Variants in RBCK1 observed in about 807,000 individuals in gnomAD.
The protein encoded by RBCK1 is RANBP2-type and C3HC4-type zinc finger containing 1, also known as ranBP-type and C3HC4-type zinc finger-containing protein 1.
RBCK1 carries 44 observed loss-of-function variants against 71.1 expected under a neutral mutation model. The observed-to-expected ratio is 0.62, with a 90% confidence interval of 0.49 to 0.80. The LOEUF (loss-of-function observed/expected upper bound fraction) is 0.80. Among genes scored for constraint, RBCK1 ranks in the 30% least tolerant of loss-of-function variants. RBCK1 has a pLI of 0.00. For synonymous variants in RBCK1, 306 were observed against 279.7 expected (o/e 1.09, Z -0.94); for missense variants, 569 against 685.0 (o/e 0.83, Z 1.89).
In RBCK1 at chr20:414,907, CTT is replaced by C. The variant is rs200754266; in HGVS notation, c.168-2616_168-2615del. 4.7e-3 allele frequency among the ~76,000 whole-genome samples: 723 copies of C among 152,228 alleles called. 4 individuals carry two copies. The highest frequency in any genetic ancestry group is 7.0e-3 in the Admixed American group (107 of 15,276). On this transcript the variant is annotated intron_variant, in intron 2 of 11. Coordinates refer to ENST00000356286, the MANE Select transcript of RBCK1 (RefSeq NM_031229.4). Reference sequence around the variant, plus strand: ...CTTTTCACGTGGAAAATGTGGTAAACTTTTAGAGTCTTTGCATGTTTAAAAAT... The same window carrying C: ...CTTTTCACGTGGAAAATGTGGTAAACTTAGAGTCTTTGCATGTTTAAAAAT...
Position 428,645 on chromosome 20 carries a change from G to A in RBCK1, c.1308+56G>A. ...ATTTTAAGTTCTGGGATCCAGGTGG[G>A]GGCTGGGGGCTTCCCAGTAAGGGCT... On this transcript the variant is annotated intron_variant, in intron 10 of 11. Transcript: ENST00000356286. This position sits in a 1 kb window ranked among gnomAD's most constrained non-coding sequence, Gnocchi z 5.7. 6.6e-7 allele frequency: 1 copy of A among 1,513,922 alleles called. No homozygotes were observed. 93.8% of individuals were successfully genotyped at this position (1,513,922 alleles called of 1,614,324 possible).
intron 4 of RBCK1, among the ~76,000 whole-genome samples, chr20:418,558 C>G (rs147165414): frequency 1.3e-5 from 2 of 151,990 alleles, no homozygotes; most frequent in Non-Finnish European, 2.9e-5. Flanking sequence ...TTAGTAGAGA[C>G]GGGGTTTCAC....
chr20:427,476 AC>A lies in RBCK1; in HGVS notation c.1194del (p.Cys399AlafsTer11), dbSNP rs2016793232. 2 of 1,613,412 alleles carry A rather than the reference AC, an allele frequency of 1.2e-6. No individual in the cohort carries two copies. Among genetic ancestry groups the A allele is most frequent in the African/African-American group, 2.7e-5 (2 of 74,904 alleles). On this transcript the variant is annotated frameshift_variant, in exon 9 of 12. Transcript: ENST00000356286. LOFTEE classifies it high-confidence loss of function. ...ACCTGCCCTGTGTGTTTCCACGTCAACTGCCTGCTCTGCAAGGTGGGGCCTG... is the reference window on the plus strand; with the variant it reads ...ACCTGCCCTGTGTGTTTCCACGTCAATGCCTGCTCTGCAAGGTGGGGCCTG... The part of the protein sequence containing the change: ...EFTCPVCFHV[N>X]CLLCKAIHEQ...
In RBCK1 at chr20:431,151, A is replaced by AG. The variant is rs1491584042; in HGVS notation, c.*725dup. ...AGATGTGGACCCCATGCCCAGCCTC[A>AG]GGGGCAAGGATGCTCTTGGGTCACC... On this transcript the variant is annotated 3_prime_UTR_variant, in exon 12 of 12. Coordinates refer to ENST00000356286, the MANE Select transcript of RBCK1 (RefSeq NM_031229.4). The surrounding 1 kb of genome is among the most constrained non-coding windows in gnomAD (Gnocchi z 4.8). Among the ~76,000 whole-genome samples, 1 of 152,158 alleles carries AG rather than the reference A, an allele frequency of 6.6e-6. No homozygotes were observed. The highest frequency in any genetic ancestry group is 1.5e-5 in the Non-Finnish European group (1 of 68,040).
At chr20:410,073 T>C in intron 2 of RBCK1, 48 bp downstream of exon 2, 1 of 1,580,072 alleles carries the variant, frequency 6.3e-7, no homozygotes, top group East Asian at 2.3e-5. Flanking sequence ...CAGGACAGGA[T>C]ATTCTTGCCT....
intron 2 of RBCK1, among the ~76,000 whole-genome samples, chr20:415,670 A>G (rs543275589): frequency 1.3e-5 from 2 of 151,966 alleles, no homozygotes; most frequent in African/African-American, 4.8e-5. Context: ...TTACCTCTTC[A>G]TGGTATGTAT....
At position 417,245 on chromosome 20, in the gene RBCK1, G is replaced by A. The variant is rs569027636; in HGVS notation, c.168-281G>A. On this transcript the variant is annotated intron_variant, in intron 2 of 11. Transcript: ENST00000356286. This position sits in a 1 kb window ranked among gnomAD's most constrained non-coding sequence, Gnocchi z 4.7. Reference sequence around the variant, plus strand: ...GAGCAGGGGAGAGAAGACAGAAGAGGTTGGAGAGGTCAGGGAGGTGCCAGA... The same window carrying A: ...GAGCAGGGGAGAGAAGACAGAAGAGATTGGAGAGGTCAGGGAGGTGCCAGA... 3 of 640,578 alleles carry A rather than the reference G, an allele frequency of 4.7e-6. No individual in the cohort carries two copies. The highest frequency in any genetic ancestry group is 6.8e-5 in the East Asian group (2 of 29,616). 39.7% of individuals were successfully genotyped at this position (640,578 alleles called of 1,614,324 possible).
Position 427,617 on chromosome 20 carries a change from A to G in RBCK1, c.1209+125A>G. ...GGCCTGCTGGTCATGACTTAGAGCT[A>G]CATGTCAGTGGGAGAGTGTGGCTTG... On this transcript the variant is annotated intron_variant, in intron 9 of 11. Coordinates refer to ENST00000356286, the MANE Select transcript of RBCK1 (RefSeq NM_031229.4). 5.8e-6 allele frequency: 6 copies of G among 1,037,800 alleles called. No homozygotes were observed. The South Asian group carries it at 9.1e-5, about 16-fold the overall frequency. The allele number at this position is 1,037,800 out of a possible 1,614,324, so 64.3% of individuals were successfully genotyped here.
intron 6 of RBCK1, 180 bp downstream of exon 6, chr20:419,911 C>G: frequency 7.0e-7 from 1 of 1,419,838 alleles, no homozygotes; most frequent in Admixed American, 3.0e-5. Flanking sequence ...CCTGCCCTCT[C>G]TCAAAGGTCA....
chr20:418,574 T>C lies in RBCK1; in HGVS notation c.460+644T>C, dbSNP rs984770893. On this transcript the variant is annotated intron_variant, in intron 4 of 11. Transcript: ENST00000356286. ...TAGTAGAGACGGGGTTTCACCGTGTTAGCCAGGATGGTCTCGATCTCCTGA... is the reference window on the plus strand; with the variant it reads ...TAGTAGAGACGGGGTTTCACCGTGTCAGCCAGGATGGTCTCGATCTCCTGA... 5.3e-5 allele frequency among the ~76,000 whole-genome samples: 8 copies of C among 152,260 alleles called. 1 individual carries two copies. The highest frequency in any genetic ancestry group is 4.1e-4 in the South Asian group (2 of 4,822).
chr20:414,201 T>G (rs2015868235), intron 2 of RBCK1, among the ~76,000 whole-genome samples: 1 of 151,978 alleles, frequency 6.6e-6, no homozygotes, highest in Non-Finnish European at 1.5e-5. Context: ...TGGCTTGAAC[T>G]CGAGTTTAAG....
At chr20:419,927 T>A in intron 6 of RBCK1, 196 bp downstream of exon 6, 6 of 1,423,302 alleles carry the variant, frequency 4.2e-6, no homozygotes, top group Non-Finnish European at 5.5e-6. Context: ...GGTCACCCTG[T>A]GGCTGAGACC....
At chr20:415,533 A>G (rs1293150153) in intron 2 of RBCK1, among the ~76,000 whole-genome samples, 2 of 152,170 alleles carry the variant, frequency 1.3e-5, no homozygotes, top group African/African-American at 4.8e-5. Context: ...AACAAGATCT[A>G]CATGTAGCAT....
chr20:418,441 T>C (rs1458667672), intron 4 of RBCK1, among the ~76,000 whole-genome samples: 1 of 152,052 alleles, frequency 6.6e-6, no homozygotes, highest in Non-Finnish European at 1.5e-5. Context: ...CAATCTCGGC[T>C]CACTGCAAGC....
intron 2 of RBCK1, among the ~76,000 whole-genome samples, chr20:414,671 G>A (rs1291715785): frequency 6.6e-6 from 1 of 152,140 alleles, no homozygotes; most frequent in Non-Finnish European, 1.5e-5. Flanking sequence ...GATTCTAAAA[G>A]TGTAACACTA....
At chr20:420,148 C>A (rs1309773315) in intron 6 of RBCK1, 5 of 985,104 alleles carry the variant, frequency 5.1e-6, no homozygotes, top group Non-Finnish European at 6.0e-6. Flanking sequence ...CTCGCCGTGA[C>A]CTCACCCTGG....
chr20:419,060 C>T (rs919219453), intron 4 of RBCK1, among the ~76,000 whole-genome samples: 1 of 152,218 alleles, frequency 6.6e-6, no homozygotes, highest in African/African-American at 2.4e-5. Flanking sequence ...ACCGCCTCAG[C>T]GGTGCTCTTG....
chr20:424,165 C>T (rs1018480827), intron 8 of RBCK1, among the ~76,000 whole-genome samples: 1 of 152,220 alleles, frequency 6.6e-6, no homozygotes, highest in African/African-American at 2.4e-5. Flanking sequence ...TGTCTGCATA[C>T]GTGTGTGCTT....
In RBCK1 at chr20:417,339, A is replaced by G. The variant is rs1361749947; in HGVS notation, c.168-187A>G. 2.7e-6 allele frequency: 2 copies of G among 735,840 alleles called. No homozygotes were observed. The highest frequency in any genetic ancestry group is 5.1e-6 in the Non-Finnish European group (2 of 395,022). The allele number at this position is 735,840 out of a possible 1,614,324, so 45.6% of individuals were successfully genotyped here. ...AGCGTGGAGCCATTGGAGGGGCCTA[A>G]CTGGTGGGTTCTAATAAAGGAAGAA... On this transcript the variant is annotated intron_variant, in intron 2 of 11. Coordinates refer to ENST00000356286, the MANE Select transcript of RBCK1 (RefSeq NM_031229.4). This position sits in a 1 kb window ranked among gnomAD's most constrained non-coding sequence, Gnocchi z 4.7.
Sources: gnomAD v4.1 joint callset for allele counts (sites outside exome capture counted in the v4.1 genomes callset) on GRCh38, gnomAD v4.1.1 for gene constraint, Gnocchi (gnomAD v3.1) non-coding constraint, MANE v1.5 for transcripts, NCBI Gene and HGNC (gene_info 2026-07-23, HGNC 2026-07-21) for gene names.